The following SNX13 variants were observed in gnomAD, a reference collection of about 807,000 sequenced individuals.
The protein encoded by SNX13 is sorting nexin-13.
A neutral mutation model predicts 133.6 loss-of-function variants in SNX13; 45 were observed. That is an observed-to-expected ratio of 0.34 (90% CI 0.27 to 0.43). The LOEUF (loss-of-function observed/expected upper bound fraction) is 0.43. SNX13 is among the 20% of genes least tolerant of loss of function. The probability of loss-of-function intolerance (pLI) is 1.00; values close to 1 mark genes in which losing one functional copy is unlikely to be tolerated. For missense variants in SNX13, 1,032 were observed against 1,145.1 expected, an observed-to-expected ratio of 0.90 and a Z score of 1.43; for synonymous variants, 414 against 373.9, an observed-to-expected ratio of 1.11 and a Z score of -1.24.
intron 9 of SNX13, among the ~76,000 whole-genome samples, chr7:17,867,533 G>A (rs1338380911): frequency 6.6e-6 from 1 of 152,074 alleles, no homozygotes; most frequent in Non-Finnish European, 1.5e-5. Flanking sequence ...CTTGAGCCAA[G>A]GAGGCGGAGG....
chr7:17,851,345 T>C (rs1008211437), intron 9 of SNX13, among the ~76,000 whole-genome samples: 4 of 152,172 alleles, frequency 2.6e-5, no homozygotes, highest in African/African-American at 9.7e-5. Flanking sequence ...GAAGTTATAT[T>C]GGAAGGTTTA....
chr7:17,868,569 T>G, intron 8 of SNX13, 79 bp from the exon 9 acceptor site: 4 of 1,095,116 alleles, frequency 3.7e-6, no homozygotes, highest in Non-Finnish European at 5.3e-6. Flanking sequence ...TCTAACACAA[T>G]GCTGTTACTT....
intron 16 of SNX13, among the ~76,000 whole-genome samples, chr7:17,827,091 T>TA (rs1414006840): frequency 6.6e-6 from 1 of 152,042 alleles, no homozygotes; most frequent in Non-Finnish European, 1.5e-5. Context: ...CTGCCTCCAA[T>TA]AAAAAACCTG....
In SNX13 at chr7:17,864,997, C is replaced by T. The variant is rs141708717; in HGVS notation, c.837+3410G>A. 1.2e-3 allele frequency among the ~76,000 whole-genome samples: 186 copies of T among 152,284 alleles called. 1 individual carries two copies. Among genetic ancestry groups the T allele is most frequent in the African/African-American group, 4.2e-3 (175 of 41,564 alleles). On this transcript the variant is annotated intron_variant, in intron 9 of 25. Transcript: ENST00000428135. ...AATGTCTTCCAACCTAAAATATATCCTGCAAATTTATCTGTCAACTCTGAA... is the reference window on the plus strand; with the variant it reads ...AATGTCTTCCAACCTAAAATATATCTTGCAAATTTATCTGTCAACTCTGAA...
chr7:17,888,196 A>T (rs1406259857), intron 5 of SNX13: 2 of 152,230 alleles, frequency 1.3e-5, no homozygotes, highest in African/African-American at 4.8e-5. Flanking sequence ...ACCATTTTTT[A>T]GCCTCAAAGC....
intron 11 of SNX13, among the ~76,000 whole-genome samples, chr7:17,847,027 C>A (rs1463987206): frequency 6.6e-6 from 1 of 152,044 alleles, no homozygotes; most frequent in Non-Finnish European, 1.5e-5. Flanking sequence ...GACAGGCTTG[C>A]AAACAAAATA....
intron 9 of SNX13, among the ~76,000 whole-genome samples, chr7:17,867,116 T>C (rs1793487772): frequency 2.0e-5 from 3 of 152,230 alleles, no homozygotes; most frequent in African/African-American, 7.2e-5. Flanking sequence ...CACTTTTTTA[T>C]AGTTTTAATT....
intron 5 of SNX13, chr7:17,889,723 G>T (rs1796425046): frequency 6.6e-6 from 1 of 152,040 alleles, no homozygotes; most frequent in Non-Finnish European, 1.5e-5. Flanking sequence ...AAATCAAGCA[G>T]TTTAAGTACA....
chr7:17,813,125 A>G (rs1786245464), intron 20 of SNX13, among the ~76,000 whole-genome samples: 1 of 152,042 alleles, frequency 6.6e-6, no homozygotes, highest in Non-Finnish European at 1.5e-5. Context: ...AAAATAAAAA[A>G]TGAAAAAAAA....
At chr7:17,912,893 C>G (rs989792067) in intron 1 of SNX13, among the ~76,000 whole-genome samples, 1 of 152,166 alleles carries the variant, frequency 6.6e-6, no homozygotes. Flanking sequence ...AAGCAGCAAG[C>G]ACTGAAATTA....
chr7:17,826,744 A>G (rs950657499), intron 16 of SNX13, among the ~76,000 whole-genome samples: 13 of 152,160 alleles, frequency 8.5e-5, no homozygotes, highest in African/African-American at 2.9e-4. Context: ...GACTGACTCA[A>G]AATGAATCTT....
chr7:17,793,042 T>C lies in SNX13; in HGVS notation c.*1003A>G, dbSNP rs140125516. ...ACACTGTCATAGAATTAGGAATCTGTATGTTTACTATGACTAATAAGCTCA... is the reference window on the plus strand; with the variant it reads ...ACACTGTCATAGAATTAGGAATCTGCATGTTTACTATGACTAATAAGCTCA... On this transcript the variant is annotated 3_prime_UTR_variant, in exon 26 of 26. Transcript: ENST00000428135. The C allele has an allele frequency of 4.3e-4, 66 of 152,402 alleles. 3 individuals carry two copies. The East Asian group carries it at 0.012, about 28-fold the overall frequency. 9.4% of individuals were successfully genotyped at this position (152,402 alleles called of 1,614,324 possible).
At chr7:17,825,754 GAA>G (rs1787839047) in intron 17 of SNX13, among the ~76,000 whole-genome samples, 1 of 152,088 alleles carries the variant, frequency 6.6e-6, no homozygotes, top group African/African-American at 2.4e-5. Context: ...GAACAAAGAG[GAA>G]AAGAATGGTT....
At chr7:17,917,540 A>C (rs1799694095) in intron 1 of SNX13, among the ~76,000 whole-genome samples, 1 of 152,078 alleles carries the variant, frequency 6.6e-6, no homozygotes, top group Admixed American at 6.6e-5. Context: ...ACACAATCCC[A>C]TTTGCAACAG....
chr7:17,885,319 G>A (rs1029057303), intron 5 of SNX13, among the ~76,000 whole-genome samples: 6 of 146,796 alleles, frequency 4.1e-5, no homozygotes, highest in Non-Finnish European at 7.4e-5. Context: ...AAAAAGATTA[G>A]TGGTTACCTA....
chr7:17,936,655 T>G (rs1342676590), intron 1 of SNX13, among the ~76,000 whole-genome samples: 1 of 152,186 alleles, frequency 6.6e-6, no homozygotes, highest in Non-Finnish European at 1.5e-5. Context: ...ATTATAATCC[T>G]AATTGCTCCT....
intron 11 of SNX13, among the ~76,000 whole-genome samples, chr7:17,848,190 T>C (rs1486018552): frequency 1.3e-5 from 2 of 152,114 alleles, no homozygotes; most frequent in African/African-American, 4.8e-5. Context: ...GACAGCTTGA[T>C]GGCATAACTT....
At chr7:17,804,468 T>C (rs1034912848) in intron 20 of SNX13, among the ~76,000 whole-genome samples, 2 of 151,936 alleles carry the variant, frequency 1.3e-5, no homozygotes, top group Non-Finnish European at 2.9e-5. Flanking sequence ...ACGTTGCAAA[T>C]CAGACATGTA....
chr7:17,866,240 A>G (rs1793382125), intron 9 of SNX13, among the ~76,000 whole-genome samples: 1 of 152,020 alleles, frequency 6.6e-6, no homozygotes, highest in African/African-American at 2.4e-5. Context: ...CAAGCTACTC[A>G]TGTGACAAAG....
Sources: allele counts gnomAD v4.1 joint callset (sites outside exome capture counted in the v4.1 genomes callset), GRCh38; gene constraint gnomAD v4.1.1; transcripts MANE v1.5; gene names NCBI Gene and HGNC (gene_info 2026-07-23, HGNC 2026-07-21).